ZDHHC9: variants seen among roughly 807,000 people sequenced by gnomAD.
ZDHHC9 encodes the protein palmitoyltransferase ZDHHC9.
Under a neutral mutation model 26.6 loss-of-function variants are expected in ZDHHC9, and 3 were observed. The observed-to-expected ratio is 0.11, with a 90% CI of 0.05 to 0.29. ZDHHC9 has a LOEUF of 0.29. Ranked by LOEUF, ZDHHC9 falls within the 10% of genes least tolerant of loss-of-function variation. The pLI is 1.00. For missense variants in ZDHHC9, 146 were observed against 296.4 expected (o/e 0.49, Z 3.73); for synonymous variants, 111 against 109.4 (o/e 1.01, Z -0.09).
chrX:129,819,529 AT>A, intron 5 of ZDHHC9, among the ~76,000 whole-genome samples: 1 of 111,429 alleles, frequency 9.0e-6, no homozygotes, highest in East Asian at 2.8e-4. Context: ...AACTATAAAA[AT>A]TGTGGCATAT....
chrX:129,812,130 C>T (rs933169804), intron 8 of ZDHHC9, among the ~76,000 whole-genome samples: 2 of 108,399 alleles, frequency 1.8e-5, no homozygotes, highest in Non-Finnish European at 3.8e-5. Flanking sequence ...GTTGTCCAGG[C>T]TGGAGTGCAG....
rs1348182818 is a variant in ZDHHC9 at position 129,805,577 on chromosome X, A to T, written c.*793T>A. On this transcript the variant is annotated 3_prime_UTR_variant, in exon 11 of 11. Transcript: ENST00000357166. Reference sequence around the variant, plus strand: ...AGGAAAAACAAATTAAAAGGGGCTAATGAGAAAGGAGGAGAGATGAGACAG... The same window carrying T: ...AGGAAAAACAAATTAAAAGGGGCTATTGAGAAAGGAGGAGAGATGAGACAG... 8.9e-6 allele frequency: 1 copy of T among 112,086 alleles called. No homozygotes were observed. The highest frequency in any genetic ancestry group is 2.8e-4 in the East Asian group (1 of 3,544). 9.2% of individuals were successfully genotyped at this position (112,086 alleles called of 1,213,427 possible). A position where few individuals can be genotyped will look rare whatever the true frequency, so the allele number is the denominator to read the frequency against.
intron 3 of ZDHHC9, among the ~76,000 whole-genome samples, chrX:129,830,097 A>ATC (rs1279483442): frequency 8.9e-6 from 1 of 111,752 alleles, no homozygotes; most frequent in African/African-American, 3.3e-5. Flanking sequence ...AGCTGCACTA[A>ATC]TCTCTCTCTT....
chrX:129,811,337 G>C, intron 9 of ZDHHC9, 69 bp downstream of exon 9: 2 of 977,889 alleles, frequency 2.0e-6, no homozygotes, highest in Non-Finnish European at 2.9e-6. Flanking sequence ...AAACACATCA[G>C]ACAAGGTAAC....
chrX:129,821,296 C>CT (rs748605366), intron 5 of ZDHHC9, among the ~76,000 whole-genome samples: 261 of 99,324 alleles, frequency 2.6e-3, no homozygotes, highest in South Asian at 0.012. Context: ...AGACCTTCTT[C>CT]TTTTTTTTTT....
intron 5 of ZDHHC9, among the ~76,000 whole-genome samples, chrX:129,817,135 A>G (rs1162849920): frequency 9.0e-6 from 1 of 111,317 alleles, no homozygotes; most frequent in Admixed American, 9.5e-5. Context: ...TCAGCCTCCC[A>G]AAGTACTGGG....
Position 129,804,404 on chromosome X carries a change from T to C in ZDHHC9, c.*1966A>G, listed in dbSNP as rs1206032141. 4 of 111,024 alleles carry C rather than the reference T, an allele frequency of 3.6e-5. No individual in the cohort carries two copies. The highest frequency in any genetic ancestry group is 7.6e-5 in the Non-Finnish European group (4 of 52,904). 9.1% of individuals were successfully genotyped at this position (111,024 alleles called of 1,213,427 possible). On this transcript the variant is annotated 3_prime_UTR_variant, in exon 11 of 11. Coordinates refer to ENST00000357166, the MANE Select transcript of ZDHHC9 (RefSeq NM_016032.4). The stretch of plus-strand genomic sequence containing the variant: ...TCAAGAATGCTCAACTTAAATCCTG[T>C]TAAAAGGAAAAAGGAAGACATGGAA...
At chrX:129,812,876 C>T (rs1927675309) in intron 7 of ZDHHC9, 56 bp from the exon 8 acceptor site, 14 of 839,292 alleles carry the variant, frequency 1.7e-5, no homozygotes, top group South Asian at 4.1e-5. Flanking sequence ...TTGATGCCTC[C>T]GCCCATATTC....
intron 3 of ZDHHC9, among the ~76,000 whole-genome samples, chrX:129,834,049 CT>C (rs1045018083): frequency 9.0e-6 from 1 of 111,408 alleles, no homozygotes; most frequent in African/African-American, 3.3e-5. Context: ...GAGGTGGGGC[CT>C]TTGGGGGGTG....
chrX:129,825,574 C>T (rs1476318557), intron 4 of ZDHHC9, among the ~76,000 whole-genome samples: 1 of 110,612 alleles, frequency 9.0e-6, no homozygotes, highest in Non-Finnish European at 1.9e-5. Context: ...TTTAAATATT[C>T]CATATTGTTG....
Position 129,819,605 on chromosome X carries a change from T to C in ZDHHC9, c.487+4074A>G, listed in dbSNP as rs565622708. ...ATTTTTTAAAAATAGGTAACTGACT[T>C]CACACTGTAAATGTAGCCTATCTCC... On this transcript the variant is annotated intron_variant, in intron 5 of 10. Transcript: ENST00000357166. Among the ~76,000 whole-genome samples the C allele has an allele frequency of 2.9e-4, 33 of 111,952 alleles. No individual in the cohort carries two copies. The South Asian group carries it at 0.012, about 41-fold the overall frequency.
In ZDHHC9 at chrX:129,842,100, GA is replaced by G; in HGVS notation, c.-135-21del. Reference sequence around the variant, plus strand: ...CTAGCCCTAAGAAAAAGCAGAAAAAGAAAAAAAAATGAGGCAATAATAAGAA... The same window carrying G: ...CTAGCCCTAAGAAAAAGCAGAAAAAGAAAAAAAATGAGGCAATAATAAGAA... On this transcript the variant is annotated intron_variant, in intron 2 of 10. Transcript: ENST00000357166. 7.8e-5 allele frequency: 48 copies of G among 618,741 alleles called. No individual in the cohort carries two copies. Among genetic ancestry groups the G allele is most frequent in the Non-Finnish European group, 9.9e-5 (40 of 404,317 alleles). 51.0% of individuals were successfully genotyped at this position (618,741 alleles called of 1,213,427 possible). A position where few individuals can be genotyped will look rare whatever the true frequency, so the allele number is the denominator to read the frequency against.
rs376621746 is a variant in ZDHHC9 at position 129,837,470 on chromosome X, T to C, written c.167+4309A>G. ...ATGAAGAAAGACTCAAGAAAGAATT[T>C]GAAAGAGGGGTAGAATTTGGATAGG... is the stretch of plus-strand genomic sequence containing the variant. On this transcript the variant is annotated intron_variant, in intron 3 of 10. Transcript: ENST00000357166. 3.6e-5 allele frequency among the ~76,000 whole-genome samples: 4 copies of C among 112,606 alleles called. No homozygotes were observed. The South Asian group carries it at 1.5e-3, about 41-fold the overall frequency.
chrX:129,841,667 C>A, intron 3 of ZDHHC9, 112 bp downstream of exon 3: 1 of 956,607 alleles, frequency 1.0e-6, no homozygotes. Flanking sequence ...AGACATCGCT[C>A]AAGAGGACGT....
intron 3 of ZDHHC9, among the ~76,000 whole-genome samples, chrX:129,830,863 T>A (rs1928125045): frequency 8.9e-6 from 1 of 112,085 alleles, no homozygotes; most frequent in South Asian, 3.7e-4. Context: ...AGTTTTATAT[T>A]AGACTAAGCA....
At chrX:129,835,321 C>G (rs1157719467) in intron 3 of ZDHHC9, among the ~76,000 whole-genome samples, 1 of 108,630 alleles carries the variant, frequency 9.2e-6, no homozygotes, top group Non-Finnish European at 1.9e-5. Context: ...GTGGCTCACT[C>G]CTGTAGTCCC....
intron 10 of ZDHHC9, among the ~76,000 whole-genome samples, chrX:129,806,720 A>G (rs1927524534): frequency 8.9e-6 from 1 of 111,936 alleles, no homozygotes; most frequent in African/African-American, 3.3e-5. Flanking sequence ...AGATTTTTCT[A>G]TTATTATTAA....
In ZDHHC9 at chrX:129,805,077, T is replaced by A. The variant is rs1453495168; in HGVS notation, c.*1293A>T. ...CTCTAGGAAATATAGCCACATATAA[T>A]ACATAAATCTTCTTCCCTGAAATAG... is the stretch of plus-strand genomic sequence containing the variant. On this transcript the variant is annotated 3_prime_UTR_variant, in exon 11 of 11. Transcript: ENST00000357166. 8.9e-6 allele frequency: 1 copy of A among 112,523 alleles called. No individual in the cohort carries two copies. The highest frequency in any genetic ancestry group is 3.2e-5 in the African/African-American group (1 of 30,874). The allele number at this position is 112,523 out of a possible 1,213,427, so 9.3% of individuals were successfully genotyped here. A position where few individuals can be genotyped will look rare whatever the true frequency, so the allele number is the denominator to read the frequency against.
intron 10 of ZDHHC9, among the ~76,000 whole-genome samples, chrX:129,807,439 C>T (rs1342204479): frequency 1.1e-3 from 96 of 86,595 alleles, no homozygotes; most frequent in Admixed American, 2.2e-3. Context: ...GGCGACAGAG[C>T]GAGACTCCGT....
Sources: allele counts gnomAD v4.1 joint callset (sites outside exome capture counted in the v4.1 genomes callset), GRCh38; gene constraint gnomAD v4.1.1; transcripts MANE v1.5; gene names NCBI Gene and HGNC (gene_info 2026-07-23, HGNC 2026-07-21).